Variants in GDE1 observed in about 807,000 individuals in gnomAD.
The protein encoded by GDE1 is RGS16-interacting membrane protein.
GDE1 carries 24 observed loss-of-function variants against 32.2 expected under a neutral mutation model. The ratio of observed to expected loss-of-function variants is 0.75; its 90% CI spans 0.54 to 1.05. GDE1 has a LOEUF of 1.05. Among genes scored for constraint, GDE1 ranks in the 50% least tolerant of loss-of-function variants. GDE1 has a pLI of 0.00. For synonymous variants in GDE1, 159 were observed against 158.6 expected (o/e 1.00, Z -0.02); for missense variants, 380 against 415.0 (o/e 0.92, Z 0.73).
rs774836393 is a variant in GDE1 at position 19,510,902 on chromosome 16, A to G, written c.480T>C (p.Ala160=). 1.2e-6 allele frequency: 2 copies of G among 1,603,146 alleles called. No individual in the cohort carries two copies. The highest frequency in any genetic ancestry group is 1.7e-6 in the Non-Finnish European group (2 of 1,172,116). ...PDEKIPTLRE[A]VAECLNHNLT... The stretch of plus-strand genomic sequence containing the variant: ...GGTTATGGTTTAGGCACTCTGCAAC[A>G]GCTTCCCTTAGGGTAGGGATCTTTT... Residue 160 remains alanine, a synonymous_variant, in exon 3 of 6, where the codon GCT becomes GCC. Transcript: ENST00000353258.
At chr16:19,513,669 G>A (rs564755675) in intron 2 of GDE1, among the ~76,000 whole-genome samples, 2 of 152,248 alleles carry the variant, frequency 1.3e-5, no homozygotes, top group African/African-American at 2.4e-5. Flanking sequence ...TATGAAGGTC[G>A]AAAGAATCAT....
chr16:19,503,833 T>C, intron 5 of GDE1: 1 of 450,306 alleles, frequency 2.2e-6, no homozygotes, highest in Non-Finnish European at 4.0e-6. Flanking sequence ...AGTAGCTCAC[T>C]AATGATCGCC....
chr16:19,511,229 A>G (rs1969315418), intron 2 of GDE1, among the ~76,000 whole-genome samples: 1 of 151,926 alleles, frequency 6.6e-6, no homozygotes, highest in Non-Finnish European at 1.5e-5. Context: ...CAGCCTCCCA[A>G]GTAGCTAGGA....
chr16:19,510,982 G>C, intron 2 of GDE1, 38 bp from the exon 3 acceptor site: 1 of 1,030,078 alleles, frequency 9.7e-7, no homozygotes, highest in Non-Finnish European at 1.5e-6. Flanking sequence ...GGAAAAAAGA[G>C]AAACAGATAA....
intron 3 of GDE1, 56 bp downstream of exon 3, chr16:19,510,783 C>A (rs115982182): frequency 1.8e-5 from 13 of 738,000 alleles, no homozygotes; most frequent in South Asian, 4.3e-5. Context: ...CGGAAATGAC[C>A]GTCAATGAAA....
Position 19,503,484 on chromosome 16 carries a change from C to T in GDE1, c.982G>A (p.Glu328Lys), listed in dbSNP as rs34137361. The change falls in exon 6 of 6, where the codon GAA becomes AAA. Residue 328 changes from glutamate to lysine, a missense_variant. Transcript: ENST00000353258. ...YITDSMVEDC[E>K]PHF The stretch of plus-strand genomic sequence containing the variant: ...ACCGTGAAAGTCTAGAAGTGAGGTT[C>T]GCAGTCTTCTACCATGCTGTCAGTG... 2.3e-3 allele frequency: 3,646 copies of T among 1,613,782 alleles called. 21 individuals carry two copies. The highest frequency in any genetic ancestry group is 0.021 in the African/African-American group (1,598 of 74,980).
chr16:19,514,323 T>G (rs879610425), intron 2 of GDE1, among the ~76,000 whole-genome samples: 1 of 152,154 alleles, frequency 6.6e-6, no homozygotes, highest in Non-Finnish European at 1.5e-5. Flanking sequence ...CCTTTCTGAG[T>G]GCTCCATCAT....
chr16:19,502,406 GAGTC>G lies in GDE1; in HGVS notation c.*1060_*1063del, dbSNP rs1969187818. ...TTTTTTTTTTTTTTTTTTTTTTTAA[GAGTC>G]AGGTTCTCACTGTGCCACCAAGGTT... On this transcript the variant is annotated 3_prime_UTR_variant, in exon 6 of 6. Coordinates refer to ENST00000353258, the MANE Select transcript of GDE1 (RefSeq NM_016641.4). The G allele has an allele frequency of 3.7e-5, 4 of 109,332 alleles. No homozygotes were observed. In the Admixed American group the frequency reaches 3.7e-4, roughly 10 times the overall value. 6.8% of individuals were successfully genotyped at this position (109,332 alleles called of 1,614,324 possible).
chr16:19,517,887 T>G (rs1005893993), intron 1 of GDE1, among the ~76,000 whole-genome samples: 1 of 151,210 alleles, frequency 6.6e-6, no homozygotes, highest in African/African-American at 2.4e-5. Flanking sequence ...GAAGATTTCT[T>G]TCTTTTTTTT....
chr16:19,516,895 C>T lies in GDE1; in HGVS notation c.437+119G>A, dbSNP rs1029077167. The T allele has an allele frequency of 4.2e-5, 35 of 837,708 alleles. 1 individual carries two copies. Among genetic ancestry groups the T allele is most frequent in the African/African-American group, 2.4e-4 (14 of 58,642 alleles). 51.9% of individuals were successfully genotyped at this position (837,708 alleles called of 1,614,324 possible). On this transcript the variant is annotated intron_variant, in intron 2 of 5. Transcript: ENST00000353258. Reference sequence around the variant, plus strand: ...ACTTGCTCATTACTTACAAGACCTACGTACAGTTCAAAACAAAACAAGACA... The same window carrying T: ...ACTTGCTCATTACTTACAAGACCTATGTACAGTTCAAAACAAAACAAGACA...
At chr16:19,505,192 T>C (rs1969231637) in intron 4 of GDE1, 100 bp from the exon 5 acceptor site, 1 of 805,258 alleles carries the variant, frequency 1.2e-6, no homozygotes, top group Non-Finnish European at 2.1e-6. Flanking sequence ...GAGGTGGTCA[T>C]GGTTGGTACC....
intron 1 of GDE1, 135 bp from the exon 2 acceptor site, chr16:19,517,324 A>C: frequency 1.5e-6 from 1 of 665,544 alleles, no homozygotes; most frequent in African/African-American, 1.8e-5. Flanking sequence ...CCCCCACCAA[A>C]CAGCAATCCT....
intron 1 of GDE1, among the ~76,000 whole-genome samples, chr16:19,518,535 G>A (rs1160374648): frequency 1.3e-5 from 2 of 152,226 alleles, no homozygotes; most frequent in East Asian, 1.9e-4. Flanking sequence ...ACTCTTATCC[G>A]CTTCAGTTTT....
chr16:19,517,309 C>G, intron 1 of GDE1, 120 bp from the exon 2 acceptor site: 1 of 723,312 alleles, frequency 1.4e-6, no homozygotes, highest in Non-Finnish European at 2.4e-6. Context: ...ATTTTCCTTC[C>G]ACTTCCCCCA....
Position 19,502,489 on chromosome 16 carries a change from G to A in GDE1, c.*981C>T, listed in dbSNP as rs553479416. 1 of 147,624 alleles carries A rather than the reference G, an allele frequency of 6.8e-6. No homozygotes were observed. Among genetic ancestry groups the A allele is most frequent in the South Asian group, 2.2e-4 (1 of 4,634 alleles). The allele number at this position is 147,624 out of a possible 1,614,324, so 9.1% of individuals were successfully genotyped here. ...TGCAGCCTTGAACTTCTGGGCTCAAGTGATCCTCCCACCTCAACCTCCTGA... is the reference window on the plus strand; with the variant it reads ...TGCAGCCTTGAACTTCTGGGCTCAAATGATCCTCCCACCTCAACCTCCTGA... On this transcript the variant is annotated 3_prime_UTR_variant, in exon 6 of 6. Coordinates refer to ENST00000353258, the MANE Select transcript of GDE1 (RefSeq NM_016641.4).
intron 5 of GDE1, 169 bp from the exon 6 acceptor site, chr16:19,503,786 T>A (rs1327935380): frequency 1.7e-6 from 1 of 590,224 alleles, no homozygotes. Flanking sequence ...CAGGATGCCA[T>A]GAACCTCCTC....
At position 19,517,060 on chromosome 16, in the gene GDE1, A is replaced by G. The variant is rs1489165049; in HGVS notation, c.391T>C (p.Phe131Leu). 2 of 1,614,162 alleles carry G rather than the reference A, an allele frequency of 1.2e-6. No individual in the cohort carries two copies. Among genetic ancestry groups the G allele is most frequent in the Non-Finnish European group, 1.7e-6 (2 of 1,180,016 alleles). Residue 131 changes from phenylalanine (F) to leucine (L), a missense_variant, in exon 2 of 6, where the codon TTT becomes CTT. Physicochemically the swap from Phe to Leu is conservative, Grantham distance 22. Coordinates refer to ENST00000353258, the MANE Select transcript of GDE1 (RefSeq NM_016641.4). ...GGATTCAGCTTCCTAATTTGTTCAA[A>G]TGTCAAATCACACAATCGCCCAGTC... is the stretch of plus-strand genomic sequence containing the variant. ...DGTGRLCDLT[F>L]EQIRKLNPAA...
chr16:19,503,704 CATACCAATGGTGCCCAG>C, intron 5 of GDE1, 87 bp from the exon 6 acceptor site: 1 of 1,101,550 alleles, frequency 9.1e-7, no homozygotes, highest in South Asian at 1.4e-5. Context: ...GTGTTCACTG[CATACCAATGGTGCCCAG>C]AGAATGCCTC....
chr16:19,516,346 T>C (rs535308271), intron 2 of GDE1, among the ~76,000 whole-genome samples: 114 of 152,316 alleles, frequency 7.5e-4, no homozygotes, highest in African/African-American at 2.7e-3. Context: ...TTAACTTTTC[T>C]GGGATTATAT....
Sources: allele counts gnomAD v4.1 joint callset (sites outside exome capture counted in the v4.1 genomes callset), GRCh38; gene constraint gnomAD v4.1.1; transcripts MANE v1.5; gene names NCBI Gene and HGNC (gene_info 2026-07-23, HGNC 2026-07-21).